PCDHGB5: variants seen among roughly 807,000 people sequenced by gnomAD.
PCDHGB5 encodes the protein protocadherin gamma subfamily B, 5, also known as protocadherin gamma-B5.
PCDHGB5 carries 48 observed loss-of-function variants against 62.9 expected under a neutral mutation model. The observed-to-expected ratio is 0.76, with a 90% confidence interval of 0.61 to 0.97. The LOEUF (loss-of-function observed/expected upper bound fraction) is 0.97, where lower values mean the gene tolerates loss of function less well. Ranked by LOEUF, PCDHGB5 falls within the 50% of genes least tolerant of loss-of-function variation. The pLI, the probability that PCDHGB5 is intolerant of heterozygous loss-of-function variation, is 0.00. For synonymous variants in PCDHGB5, 474 were observed against 511.2 expected, an observed-to-expected ratio of 0.93 and a Z score of 0.98; for missense variants, 1,118 against 1,198.6, an observed-to-expected ratio of 0.93 and a Z score of 0.99.
At chr5:141,422,005 A>T in intron 1 of PCDHGB5, 1 of 1,609,814 alleles carries the variant, frequency 6.2e-7, no homozygotes, top group East Asian at 2.2e-5. Flanking sequence ...CAGCTCCGGA[A>T]CTCGGGTGCT....
At chr5:141,467,360 C>T (rs965838962) in intron 1 of PCDHGB5, among the ~76,000 whole-genome samples, 3 of 152,010 alleles carry the variant, frequency 2.0e-5, no homozygotes, top group Non-Finnish European at 4.4e-5. Context: ...GCCAAATCAA[C>T]GTTTTCTTAT....
rs759191157 is a variant in PCDHGB5, at chr5:141,485,768, C to T, written c.2398-9039C>T. Reference sequence around the variant, plus strand: ...GGTCCCAGAGCTGCTCCTGGAGAAGCCTTTGGATCGAGAGAAGCAATCGGA... The same window carrying T: ...GGTCCCAGAGCTGCTCCTGGAGAAGTCTTTGGATCGAGAGAAGCAATCGGA... On this transcript the variant is annotated intron_variant, in intron 1 of 3. Transcript: ENST00000617380. This position sits in a 1 kb window ranked among gnomAD's most constrained non-coding sequence, Gnocchi z 5.7. The T allele has an allele frequency of 5.6e-6, 9 of 1,614,074 alleles. No individual in the cohort carries two copies. The highest frequency in any genetic ancestry group is 1.7e-5 in the Admixed American group (1 of 60,000).
chr5:141,455,593 C>G (rs957677108), intron 1 of PCDHGB5, among the ~76,000 whole-genome samples: 19 of 152,068 alleles, frequency 1.2e-4, no homozygotes, highest in African/African-American at 4.6e-4. Context: ...AATATGCAAA[C>G]GTAGGGCGCC....
intron 1 of PCDHGB5, chr5:141,423,114 A>G: frequency 1.9e-6 from 3 of 1,613,848 alleles, no homozygotes; most frequent in Non-Finnish European, 1.7e-6. Context: ...AGGTGCGTAC[A>G]GCGCGGGCAC....
chr5:141,453,323 G>A (rs1313870724), intron 1 of PCDHGB5, among the ~76,000 whole-genome samples: 1 of 151,482 alleles, frequency 6.6e-6, no homozygotes, highest in Non-Finnish European at 1.5e-5. Context: ...TTTAGAGATG[G>A]GGTCTCACTA....
intron 2 of PCDHGB5, 145 bp downstream of exon 2, chr5:141,495,010 G>GT: frequency 6.6e-7 from 1 of 1,516,970 alleles, no homozygotes; most frequent in East Asian, 2.5e-5. Flanking sequence ...GTGTGCGGGG[G>GT]GCTGGCACAC....
At chr5:141,419,623 G>A in intron 1 of PCDHGB5, 1 of 1,612,328 alleles carries the variant, frequency 6.2e-7, no homozygotes, top group East Asian at 2.2e-5. Context: ...GCTACCTGGT[G>A]ACCAAGGTGG....
At chr5:141,423,742 A>C in intron 1 of PCDHGB5, 1 of 514,328 alleles carries the variant, frequency 1.9e-6, no homozygotes, top group Non-Finnish European at 2.4e-6. Context: ...CCTGTTATGA[A>C]AACTGTTTGG....
intron 2 of PCDHGB5, among the ~76,000 whole-genome samples, chr5:141,504,506 A>T (rs575756846): frequency 1.3e-5 from 2 of 152,096 alleles, no homozygotes; most frequent in African/African-American, 4.8e-5. Context: ...GTCTGAGTGG[A>T]TCTCCTCTGA....
Position 141,400,000 on chromosome 5 carries a change from G to A in PCDHGB5, c.1873G>A (p.Ala625Thr), listed in dbSNP as rs765622041. 1 of 1,612,388 alleles carries A rather than the reference G, an allele frequency of 6.2e-7. No individual in the cohort carries two copies. Among genetic ancestry groups the A allele is most frequent in the Non-Finnish European group, 8.5e-7 (1 of 1,179,610 alleles). The part of the protein sequence containing the change: ...LGLRTGEVRT[A>T]RALGDRDAAR... ...GCTGCGCACAGGAGAGGTGCGCACA[G>A]CGCGTGCCTTGGGCGACAGGGACGC... The change falls in exon 1 of 4, where the codon GCG becomes ACG. Residue 625 changes from alanine (A) to threonine (T), a missense_variant. Physicochemically the swap from Ala to Thr is moderately conservative, Grantham distance 58. This residue lies in a region of PCDHGB5 where 1,034 missense variants were observed against 1,029.1 expected (regional missense o/e 1.00). Transcript: ENST00000617380.
intron 1 of PCDHGB5, chr5:141,426,867 G>C (rs1436078091): frequency 2.2e-6 from 1 of 456,590 alleles, no homozygotes; most frequent in African/African-American, 2.0e-5. Flanking sequence ...ATTAGTGCTG[G>C]AGAAGCCCCT....
At chr5:141,504,817 G>T in intron 2 of PCDHGB5, among the ~76,000 whole-genome samples, 1 of 151,940 alleles carries the variant, frequency 6.6e-6, no homozygotes, top group East Asian at 1.9e-4. Flanking sequence ...TACCTCCTAG[G>T]TCCCCACTTT....
At chr5:141,422,665 C>T in intron 1 of PCDHGB5, 2 of 1,608,390 alleles carry the variant, frequency 1.2e-6, no homozygotes, top group Non-Finnish European at 8.5e-7. Context: ...CGCCCTCGAC[C>T]CGGACAGCAA....
rs1005709757 is a variant in PCDHGB5 at position 141,495,051 on chromosome 5, A to G, written c.2456+186A>G. Among the ~76,000 whole-genome samples, 3 of 152,042 alleles carry G rather than the reference A, an allele frequency of 2.0e-5. No homozygotes were observed. In the East Asian group the frequency reaches 5.8e-4, roughly 29 times the overall value. On this transcript the variant is annotated intron_variant, in intron 2 of 3. Transcript: ENST00000617380. ...CCGGAAGGAAGAGGCGACTGCCCTG[A>G]CTGTTCAGGAAGCTCAATTCACATG... is the stretch of plus-strand genomic sequence containing the variant.
intron 3 of PCDHGB5, among the ~76,000 whole-genome samples, chr5:141,507,805 G>C (rs2099863746): frequency 6.6e-6 from 1 of 152,204 alleles, no homozygotes; most frequent in Non-Finnish European, 1.5e-5. Flanking sequence ...TGCGCCCTGG[G>C]GAACGGACCC....
intron 1 of PCDHGB5, among the ~76,000 whole-genome samples, chr5:141,488,351 C>G (rs1467834410): frequency 6.6e-6 from 1 of 152,132 alleles, no homozygotes; most frequent in African/African-American, 2.4e-5. Context: ...AAACAGCCAC[C>G]CTGTGCATCT....
intron 1 of PCDHGB5, among the ~76,000 whole-genome samples, chr5:141,472,445 C>T (rs2099280467): frequency 6.6e-6 from 1 of 151,956 alleles, no homozygotes; most frequent in Non-Finnish European, 1.5e-5. Flanking sequence ...GAGGCTGAGG[C>T]AGGAGAATCG....
chr5:141,509,179 C>T (rs895281717), intron 3 of PCDHGB5, among the ~76,000 whole-genome samples: 1 of 152,172 alleles, frequency 6.6e-6, no homozygotes, highest in African/African-American at 2.4e-5. Flanking sequence ...TCCTCTTATG[C>T]CGGCTTGAAA....
intron 1 of PCDHGB5, chr5:141,422,211 C>G: frequency 6.4e-7 from 1 of 1,563,286 alleles, no homozygotes; most frequent in Non-Finnish European, 8.6e-7. Context: ...GTGGAGGTCT[C>G]TTTACCACCA....
Sources: allele counts gnomAD v4.1 joint callset (sites outside exome capture counted in the v4.1 genomes callset), GRCh38; gene constraint gnomAD v4.1.1; regional missense constraint gnomAD v4.1.1; non-coding constraint Gnocchi (gnomAD v3.1); transcripts MANE v1.5; gene names NCBI Gene and HGNC (gene_info 2026-07-23, HGNC 2026-07-21).